The following FHOD3 variants were observed in gnomAD, a reference collection of about 807,000 sequenced individuals.
FHOD3 encodes formin homology 2 domain containing 3, also known as FH1/FH2 domain-containing protein 3.
A neutral mutation model predicts 173.0 loss-of-function variants in FHOD3; 90 were observed. That is an observed-to-expected ratio of 0.52 (90% CI 0.44 to 0.62). FHOD3 has a LOEUF of 0.62. Ranked by LOEUF, FHOD3 falls within the 20% of genes least tolerant of loss-of-function variation. The pLI is 0.00. For synonymous variants in FHOD3, 828 were observed against 823.0 expected, an observed-to-expected ratio of 1.01 and a Z score of -0.10; for missense variants, 1,945 against 2,034.7, an observed-to-expected ratio of 0.96 and a Z score of 0.85.
chr18:36,443,924 CATATATTT>C (rs2051303581), intron 3 of FHOD3, among the ~76,000 whole-genome samples: 1 of 152,134 alleles, frequency 6.6e-6, no homozygotes, highest in African/African-American at 2.4e-5. Flanking sequence ...TCTTCAAATA[CATATATTT>C]TCAGAATTGT....
At chr18:36,530,178 A>G (rs2056722814) in intron 5 of FHOD3, among the ~76,000 whole-genome samples, 1 of 152,204 alleles carries the variant, frequency 6.6e-6, no homozygotes, top group Non-Finnish European at 1.5e-5. Flanking sequence ...AGAAAACGGT[A>G]TAAAGAGTAA....
At chr18:36,503,775 G>A (rs533723256) in intron 4 of FHOD3, among the ~76,000 whole-genome samples, 8 of 152,166 alleles carry the variant, frequency 5.3e-5, no homozygotes, top group Admixed American at 2.0e-4. Context: ...TCTGGGTTAC[G>A]TCTGGATTTC....
rs201752822 is a variant in FHOD3 at position 36,406,097 on chromosome 18, T to TG, written c.337+33353_337+33354insG. On this transcript the variant is annotated intron_variant, in intron 3 of 28. Coordinates refer to ENST00000590592, the MANE Select transcript of FHOD3 (RefSeq NM_001281740.3). ...GCCTGTTTTTTGTTTTTGTTTTTGT[T>TG]TTTTTGTTTTTGTTTTTGTTTTTTT... Among the ~76,000 whole-genome samples, 745 of 151,126 alleles carry TG rather than the reference T, an allele frequency of 4.9e-3. 8 individuals are homozygous for TG. Among genetic ancestry groups the TG allele is most frequent in the African/African-American group, 0.016 (661 of 40,644 alleles).
At chr18:36,557,936 T>C (rs2057952686) in intron 5 of FHOD3, among the ~76,000 whole-genome samples, 1 of 152,234 alleles carries the variant, frequency 6.6e-6, no homozygotes, top group Non-Finnish European at 1.5e-5. Context: ...TAGGGCTAGC[T>C]AGCCCCCATG....
rs76580196 is a variant in FHOD3, at chr18:36,777,231, C to T, written c.4787-2217C>T. Among the ~76,000 whole-genome samples the T allele has an allele frequency of 3.9e-3, 549 of 141,456 alleles. 6 individuals are homozygous for T. The highest frequency in any genetic ancestry group is 0.014 in the African/African-American group (511 of 36,826). The allele number at this position is 141,456 out of a possible 152,430, so 92.8% of individuals were successfully genotyped here. A position where few individuals can be genotyped will look rare whatever the true frequency, so the allele number is the denominator to read the frequency against. On this transcript the variant is annotated intron_variant, in intron 28 of 28. Coordinates refer to ENST00000590592, the MANE Select transcript of FHOD3 (RefSeq NM_001281740.3). Reference sequence around the variant, plus strand: ...TTTTTTTTTTTTTTTGAGATGGGGCCTCGCTCTGTCACCCAGGCTGGAGTG... The same window carrying T: ...TTTTTTTTTTTTTTTGAGATGGGGCTTCGCTCTGTCACCCAGGCTGGAGTG...
At chr18:36,611,728 G>A (rs934205683) in intron 8 of FHOD3, among the ~76,000 whole-genome samples, 2 of 152,174 alleles carry the variant, frequency 1.3e-5, no homozygotes, top group African/African-American at 4.8e-5. Flanking sequence ...CCACACTCAA[G>A]CCAAGGAGAT....
At chr18:36,480,928 G>A (rs889542143) in intron 3 of FHOD3, among the ~76,000 whole-genome samples, 17 of 147,402 alleles carry the variant, frequency 1.2e-4, no homozygotes, top group South Asian at 2.1e-4. Context: ...ATGGCATTAG[G>A]AAAGCATTCA....
At chr18:36,555,331 G>T (rs1294874006) in intron 5 of FHOD3, among the ~76,000 whole-genome samples, 2 of 151,446 alleles carry the variant, frequency 1.3e-5, no homozygotes, top group African/African-American at 4.9e-5. Flanking sequence ...AATATTTTGG[G>T]ATACACCAGA....
intron 23 of FHOD3, among the ~76,000 whole-genome samples, chr18:36,744,540 C>A (rs2042058047): frequency 6.6e-6 from 1 of 152,208 alleles, no homozygotes; most frequent in African/African-American, 2.4e-5. Flanking sequence ...GCAACCATGT[C>A]AAAAAGATGC....
At chr18:36,652,530 CT>C in intron 11 of FHOD3, 39 bp from the exon 12 acceptor site, 1 of 1,494,718 alleles carries the variant, frequency 6.7e-7, no homozygotes, top group Non-Finnish European at 8.9e-7. Flanking sequence ...TCTCCCAAAT[CT>C]TTTTTTCTTC....
intron 1 of FHOD3, among the ~76,000 whole-genome samples, chr18:36,328,266 G>A (rs995547394): frequency 1.3e-5 from 2 of 152,126 alleles, no homozygotes; most frequent in African/African-American, 4.8e-5. Context: ...TTCATGTGGG[G>A]TATCCCAGGA....
At chr18:36,334,078 G>A (rs953942737) in intron 1 of FHOD3, among the ~76,000 whole-genome samples, 3 of 152,162 alleles carry the variant, frequency 2.0e-5, no homozygotes, top group African/African-American at 7.2e-5. Flanking sequence ...TCTGTTGAGT[G>A]TGGTCCCCCC....
intron 4 of FHOD3, among the ~76,000 whole-genome samples, chr18:36,510,643 TTC>T (rs1477046298): frequency 5.3e-5 from 8 of 152,358 alleles, no homozygotes; most frequent in Admixed American, 3.9e-4. Flanking sequence ...TGGAAAAACT[TTC>T]TGACTAGACA....
chr18:36,680,433 T>C (rs1019059671), intron 14 of FHOD3, among the ~76,000 whole-genome samples: 2 of 152,232 alleles, frequency 1.3e-5, no homozygotes, highest in African/African-American at 2.4e-5. Context: ...TCATAAATAT[T>C]TTTCTCTTTG....
At chr18:36,416,457 T>C (rs1677713569) in intron 3 of FHOD3, among the ~76,000 whole-genome samples, 1 of 152,272 alleles carries the variant, frequency 6.6e-6, no homozygotes, top group Non-Finnish European at 1.5e-5. Flanking sequence ...ATCCTGGAGC[T>C]GTGGCCTGTG....
intron 5 of FHOD3, 75 bp downstream of exon 5, chr18:36,512,618 A>C (rs1168041561): frequency 9.5e-7 from 1 of 1,055,062 alleles, no homozygotes; most frequent in Admixed American, 1.9e-5. Context: ...GAACTTAACT[A>C]CTGAGAGCTT....
intron 24 of FHOD3, among the ~76,000 whole-genome samples, chr18:36,748,380 ACAACACACACACACAC>A (rs1354873138): frequency 1.3e-3 from 162 of 121,270 alleles, no homozygotes; most frequent in African/African-American, 6.3e-3. Flanking sequence ...ACACACACAC[ACAACACACACACACAC>A]ACACACACAC....
chr18:36,342,921 T>C (rs1238815253), intron 1 of FHOD3, among the ~76,000 whole-genome samples: 7 of 152,212 alleles, frequency 4.6e-5, no homozygotes. Context: ...CATGACAAGA[T>C]GATCAAAACC....
chr18:36,708,390 C>G lies in FHOD3; in HGVS notation c.2237-705C>G, dbSNP rs1193876886. ...TTGATCCACCATGGATTTTGTTTCT[C>G]TTTCCCTAAACAGGCAAAAAGGTTA... On this transcript the variant is annotated intron_variant, in intron 17 of 28. Coordinates refer to ENST00000590592, the MANE Select transcript of FHOD3 (RefSeq NM_001281740.3). Among the ~76,000 whole-genome samples, 4 of 152,316 alleles carry G rather than the reference C, an allele frequency of 2.6e-5. No individual in the cohort carries two copies. The East Asian group carries it at 7.7e-4, about 29-fold the overall frequency.
Sources: gnomAD v4.1 joint callset for allele counts (sites outside exome capture counted in the v4.1 genomes callset) on GRCh38, gnomAD v4.1.1 for gene constraint, MANE v1.5 for transcripts, NCBI Gene and HGNC (gene_info 2026-07-23, HGNC 2026-07-21) for gene names.